Variants in DCX observed in about 807,000 individuals in gnomAD.
DCX encodes doublecortin.
A neutral mutation model predicts 20.9 loss-of-function variants in DCX; 4 were observed. The observed-to-expected ratio is 0.19, with a 90% CI of 0.09 to 0.44. DCX has a LOEUF of 0.44. Among genes scored for constraint, DCX ranks in the 20% least tolerant of loss-of-function variants. DCX has a pLI of 0.99. For synonymous variants in DCX, 103 were observed against 111.4 expected (o/e 0.92, Z 0.47); for missense variants, 133 against 296.9 (o/e 0.45, Z 4.06).
chrX:111,403,703 C>G (rs1024796713), intron 2 of DCX, among the ~76,000 whole-genome samples: 2 of 111,891 alleles, frequency 1.8e-5, no homozygotes, highest in African/African-American at 6.5e-5. Context: ...ATAAGAATAC[C>G]TATCTTGTGG....
chrX:111,320,230 A>G (rs2095083252), intron 5 of DCX, among the ~76,000 whole-genome samples: 1 of 112,277 alleles, frequency 8.9e-6, no homozygotes, highest in African/African-American at 3.2e-5. Flanking sequence ...TACAGACTAG[A>G]TAAAATGTAT....
chrX:111,363,471 T>C (rs993690881), intron 3 of DCX, among the ~76,000 whole-genome samples: 1 of 108,083 alleles, frequency 9.3e-6, no homozygotes, highest in African/African-American at 3.4e-5. Flanking sequence ...CTGCAGGGGA[T>C]GAGAAAGGCC....
At chrX:111,334,651 T>C (rs1921555571) in intron 3 of DCX, among the ~76,000 whole-genome samples, 1 of 112,075 alleles carries the variant, frequency 8.9e-6, no homozygotes, top group African/African-American at 3.2e-5. Context: ...TGAAGCCAAA[T>C]AAACACAGAT....
chrX:111,360,921 A>T (rs1346904836), intron 3 of DCX, among the ~76,000 whole-genome samples: 1 of 111,949 alleles, frequency 8.9e-6, no homozygotes, highest in African/African-American at 3.3e-5. Flanking sequence ...AAGTTTTCTC[A>T]ACCTCGGTGC....
intron 6 of DCX, among the ~76,000 whole-genome samples, chrX:111,308,417 A>G (rs2095050219): frequency 9.0e-6 from 1 of 110,921 alleles, no homozygotes; most frequent in Non-Finnish European, 1.9e-5. Flanking sequence ...GTTTCTTGCT[A>G]ATTTTTTTTT....
At chrX:111,384,406 G>A (rs971260689) in intron 3 of DCX, among the ~76,000 whole-genome samples, 2 of 111,122 alleles carry the variant, frequency 1.8e-5, no homozygotes, top group African/African-American at 3.3e-5. Context: ...AGGTCCTGAG[G>A]ATATATCTAT....
intron 3 of DCX, among the ~76,000 whole-genome samples, chrX:111,347,556 A>G (rs898656832): frequency 9.0e-6 from 1 of 111,273 alleles, no homozygotes; most frequent in Admixed American, 9.6e-5. Context: ...AAAAATTGAT[A>G]TTCTTTTCCT....
intron 3 of DCX, among the ~76,000 whole-genome samples, chrX:111,361,063 GTC>G (rs1294130736): frequency 9.0e-6 from 1 of 111,556 alleles, no homozygotes; most frequent in Non-Finnish European, 1.9e-5. Context: ...TACCAAAACT[GTC>G]TCTATATATT....
intron 3 of DCX, among the ~76,000 whole-genome samples, chrX:111,360,251 C>T (rs1168670859): frequency 1.8e-5 from 2 of 112,012 alleles, no homozygotes; most frequent in African/African-American, 6.5e-5. Flanking sequence ...CAATGAAGTA[C>T]TATTCAGTCA....
rs149429704 is a variant in DCX at position 111,384,535 on chromosome X, T to C, written c.705+16455A>G. ...AGATTGTAAGCACCTCAAAACTAGA[T>C]ACTTTATTTTCTGGTCCCTATAGAG... On this transcript the variant is annotated intron_variant, in intron 3 of 6. Coordinates refer to ENST00000636035, the MANE Select transcript of DCX (RefSeq NM_001195553.2). Among the ~76,000 whole-genome samples, 277 of 111,578 alleles carry C rather than the reference T, an allele frequency of 2.5e-3. 1 individual carries two copies. Among genetic ancestry groups the C allele is most frequent in the Middle Eastern group, 9.2e-3 (2 of 217 alleles).
chrX:111,401,405 C>T (rs766968254), intron 2 of DCX, 75 bp from the exon 3 acceptor site: 30 of 898,773 alleles, frequency 3.3e-5, no homozygotes, highest in Non-Finnish European at 4.5e-5. Context: ...AACTAATACA[C>T]ACTGACACTG....
At chrX:111,409,202 A>T (rs1008771293) in intron 2 of DCX, among the ~76,000 whole-genome samples, 1 of 111,711 alleles carries the variant, frequency 9.0e-6, no homozygotes, top group African/African-American at 3.3e-5. Context: ...GAATGTTAAA[A>T]ATGTGACCCA....
intron 3 of DCX, among the ~76,000 whole-genome samples, chrX:111,351,263 T>C (rs929230055): frequency 8.0e-5 from 9 of 112,177 alleles, no homozygotes; most frequent in Non-Finnish European, 1.1e-4. Context: ...CAAGATTCCC[T>C]ATCCTGTCTC....
chrX:111,409,540 A>G (rs1039821750), intron 2 of DCX, among the ~76,000 whole-genome samples: 3 of 111,939 alleles, frequency 2.7e-5, no homozygotes, highest in Non-Finnish European at 5.6e-5. Flanking sequence ...GCGACCACTT[A>G]CCTAAAAGAA....
intron 3 of DCX, among the ~76,000 whole-genome samples, chrX:111,349,835 T>C (rs1204622596): frequency 9.1e-6 from 1 of 110,480 alleles, no homozygotes; most frequent in Non-Finnish European, 1.9e-5. Context: ...ACTCCTAGAG[T>C]GGATAAATTG....
At chrX:111,377,875 A>C (rs759524072) in intron 3 of DCX, among the ~76,000 whole-genome samples, 3 of 110,458 alleles carry the variant, frequency 2.7e-5, no homozygotes, top group Non-Finnish European at 5.7e-5. Flanking sequence ...TCATAATATA[A>C]CTGTGGAAAC....
At chrX:111,343,752 T>C in intron 3 of DCX, among the ~76,000 whole-genome samples, 1 of 111,467 alleles carries the variant, frequency 9.0e-6, no homozygotes, top group African/African-American at 3.3e-5. Context: ...GAGGCTAAGG[T>C]GGTCAGATCA....
chrX:111,316,890 G>A (rs952950739), intron 5 of DCX, among the ~76,000 whole-genome samples: 5 of 111,606 alleles, frequency 4.5e-5, no homozygotes, highest in Admixed American at 3.8e-4. Context: ...TCTCCACAAT[G>A]AGAATTACAA....
At chrX:111,310,359 A>T (rs962041115) in intron 6 of DCX, among the ~76,000 whole-genome samples, 15 of 111,129 alleles carry the variant, frequency 1.3e-4, no homozygotes, top group Admixed American at 7.6e-4. Flanking sequence ...AATAAATAAA[A>T]TAAATAAAAG....
Sources: gnomAD v4.1 joint callset for allele counts (sites outside exome capture counted in the v4.1 genomes callset) on GRCh38, gnomAD v4.1.1 for gene constraint, MANE v1.5 for transcripts, NCBI Gene and HGNC (gene_info 2026-07-23, HGNC 2026-07-21) for gene names.